ROBO1: variants seen among roughly 807,000 people sequenced by gnomAD.
ROBO1 encodes the protein roundabout homolog 1.
ROBO1 carries 149 observed loss-of-function variants against 195.9 expected under a neutral mutation model. The observed-to-expected ratio is 0.76, with a 90% CI of 0.67 to 0.87. ROBO1 has a LOEUF of 0.87. Among genes scored for constraint, ROBO1 ranks in the 40% least tolerant of loss-of-function variants. The probability of loss-of-function intolerance (pLI) is 0.00; values close to 1 mark genes in which losing one functional copy is unlikely to be tolerated. For synonymous variants in ROBO1, 816 were observed against 733.2 expected (o/e 1.11, Z -1.82); for missense variants, 1,933 against 2,068.3 (o/e 0.93, Z 1.27).
At chr3:78,703,403 G>A (rs1254418761) in intron 8 of ROBO1, among the ~76,000 whole-genome samples, 1 of 151,966 alleles carries the variant, frequency 6.6e-6, no homozygotes, top group Non-Finnish European at 1.5e-5. Flanking sequence ...AAATCTCTTG[G>A]GTGATGGCAT....
At chr3:79,345,785 T>C (rs1282684607) in intron 2 of ROBO1, among the ~76,000 whole-genome samples, 2 of 152,176 alleles carry the variant, frequency 1.3e-5, no homozygotes, top group South Asian at 4.1e-4. Context: ...ACAATTTTGC[T>C]GAAGCACACC....
chr3:79,501,121 A>C (rs1202236432), intron 2 of ROBO1, among the ~76,000 whole-genome samples: 6 of 152,070 alleles, frequency 3.9e-5, no homozygotes. Context: ...GTTTTTTATA[A>C]GTCATTTTTT....
intron 2 of ROBO1, among the ~76,000 whole-genome samples, chr3:79,423,035 A>G (rs1216115042): frequency 6.6e-6 from 1 of 152,126 alleles, no homozygotes; most frequent in East Asian, 1.9e-4. Context: ...TACTCTGCTC[A>G]AACGTCTGAT....
intron 1 of ROBO1, among the ~76,000 whole-genome samples, chr3:79,616,668 G>A (rs1944830668): frequency 6.6e-6 from 1 of 152,142 alleles, no homozygotes; most frequent in Non-Finnish European, 1.5e-5. Context: ...GGAGGCACGA[G>A]TGGCTAGAAA....
intron 3 of ROBO1, among the ~76,000 whole-genome samples, chr3:79,123,360 A>G (rs2080156067): frequency 1.3e-5 from 2 of 152,058 alleles, no homozygotes; most frequent in East Asian, 1.9e-4. Context: ...AAAGAAAACA[A>G]TATCTGTAGG....
At chr3:79,568,572 A>G (rs1304615739) in intron 2 of ROBO1, among the ~76,000 whole-genome samples, 3 of 149,610 alleles carry the variant, frequency 2.0e-5, no homozygotes, top group Admixed American at 1.3e-4. Context: ...ATATGGAGCT[A>G]GTGAATCTAC....
Position 79,578,017 on chromosome 3 carries a change from C to T in ROBO1, c.88+11807G>A, listed in dbSNP as rs909599537. On this transcript the variant is annotated intron_variant, in intron 2 of 30. Transcript: ENST00000464233. ...GCAAAAAGTCTGAACAAATAAATAC[C>T]TCACCAAAGAACAAATACAGATGAC... is the stretch of plus-strand genomic sequence containing the variant. Among the ~76,000 whole-genome samples, 6 of 151,786 alleles carry T rather than the reference C, an allele frequency of 4.0e-5. No homozygotes were observed. The East Asian group carries it at 1.2e-3, about 29-fold the overall frequency.
Position 78,614,727 on chromosome 3 carries a change from G to A in ROBO1, c.4356C>T (p.Ala1452=), listed in dbSNP as rs375515209. 16 of 1,613,158 alleles carry A rather than the reference G, an allele frequency of 9.9e-6. No individual in the cohort carries two copies. In the East Asian group the frequency reaches 1.8e-4, roughly 18 times the overall value. Residue 1452 remains alanine, a synonymous_variant, in exon 28 of 31, where the codon GCC becomes GCT. Transcript: ENST00000464233. ...CTGGTCTGGTTTTCTGCATTACGGCGGCACTCATGTTGCTGTCTGTAGACA... is the reference window on the plus strand; with the variant it reads ...CTGGTCTGGTTTTCTGCATTACGGCAGCACTCATGTTGCTGTCTGTAGACA... ...SPVSTDSNMS[A]AVMQKTRPAK...
rs1707261903 is a variant in ROBO1 at position 78,659,695 on chromosome 3, T to C, written c.2433A>G (p.Gln811=). The C allele has an allele frequency of 6.5e-7, 1 of 1,549,204 alleles. No individual in the cohort carries two copies. Reference sequence around the variant, plus strand: ...TATATTATACTCATACCTTATACTCTTGGACCATTCCATTTTGAGTGTCTT... The same window carrying C: ...TATATTATACTCATACCTTATACTCCTGGACCATTCCATTTTGAGTGTCTT... ...PPEDTQNGMV[Q]EYKVWCLGNE... The change falls in exon 17 of 31, where the codon CAA becomes CAG. Residue 811 remains glutamine, a synonymous_variant. Transcript: ENST00000464233.
intron 2 of ROBO1, among the ~76,000 whole-genome samples, chr3:79,275,751 A>G (rs957621208): frequency 6.6e-6 from 1 of 151,926 alleles, no homozygotes; most frequent in Non-Finnish European, 1.5e-5. Flanking sequence ...TCACCAAAAA[A>G]CTATTGGAAC....
rs548211873 is a variant in ROBO1 at position 78,912,148 on chromosome 3, T to TA, written c.499+26452dup. 1.5e-3 allele frequency among the ~76,000 whole-genome samples: 235 copies of TA among 152,156 alleles called. 2 individuals are homozygous for TA. Among genetic ancestry groups the TA allele is most frequent in the African/African-American group, 5.4e-3 (226 of 41,520 alleles). On this transcript the variant is annotated intron_variant, in intron 4 of 30. Coordinates refer to ENST00000464233, the MANE Select transcript of ROBO1 (RefSeq NM_002941.4). Reference sequence around the variant, plus strand: ...CTAAAGATAATATTGATTTTACAGTTAAAAAACAGTTAAATTAAGCAGAAT... The same window carrying TA: ...CTAAAGATAATATTGATTTTACAGTTAAAAAAACAGTTAAATTAAGCAGAAT...
At chr3:79,213,408 G>A (rs1576823608) in intron 2 of ROBO1, among the ~76,000 whole-genome samples, 1 of 152,122 alleles carries the variant, frequency 6.6e-6, no homozygotes, top group African/African-American at 2.4e-5. Flanking sequence ...GAAGTTTAGT[G>A]TCAAATTCAT....
chr3:78,655,705 A>C (rs2107639824), intron 18 of ROBO1, among the ~76,000 whole-genome samples: 1 of 152,294 alleles, frequency 6.6e-6, no homozygotes, highest in South Asian at 2.1e-4. Context: ...GGTGTTTCTT[A>C]ATTTTGTTTT....
chr3:79,522,333 T>C (rs899157466), intron 2 of ROBO1, among the ~76,000 whole-genome samples: 5 of 148,408 alleles, frequency 3.4e-5, no homozygotes, highest in African/African-American at 9.8e-5. Context: ...ACTGTTACTT[T>C]TTTTTTTTTT....
rs530340694 is a variant in ROBO1, at chr3:79,586,701, G to T, written c.88+3123C>A. On this transcript the variant is annotated intron_variant, in intron 2 of 30. Transcript: ENST00000464233. ...ATTTTTTAATTAAATTCCACTATATGTGAAATATATGCTTTAATAACAGAT... is the reference window on the plus strand; with the variant it reads ...ATTTTTTAATTAAATTCCACTATATTTGAAATATATGCTTTAATAACAGAT... Among the ~76,000 whole-genome samples the T allele has an allele frequency of 2.3e-3, 346 of 151,540 alleles. 2 individuals carry two copies. Among genetic ancestry groups the T allele is most frequent in the African/African-American group, 8.0e-3 (332 of 41,368 alleles).
chr3:79,265,307 T>G (rs566360396), intron 2 of ROBO1, among the ~76,000 whole-genome samples: 166 of 151,696 alleles, frequency 1.1e-3, no homozygotes, highest in Non-Finnish European at 2.0e-3. Context: ...TTTTTTTTTT[T>G]TGCTGAGGTT....
chr3:78,641,713 C>T (rs1410437365), intron 21 of ROBO1, among the ~76,000 whole-genome samples: 1 of 151,994 alleles, frequency 6.6e-6, no homozygotes, highest in Non-Finnish European at 1.5e-5. Context: ...AAATATGGGC[C>T]AAGAGGAGAT....
chr3:78,650,326 G>C (rs1041058562), intron 19 of ROBO1, among the ~76,000 whole-genome samples: 8 of 151,982 alleles, frequency 5.3e-5, no homozygotes, highest in African/African-American at 1.9e-4. Context: ...TTCATCCCTA[G>C]AGAGGACACA....
intron 2 of ROBO1, among the ~76,000 whole-genome samples, chr3:79,577,231 TA>T (rs1332677911): frequency 6.6e-6 from 1 of 152,164 alleles, no homozygotes; most frequent in Non-Finnish European, 1.5e-5. Context: ...ACATCAGGGC[TA>T]CAAAAGATAT....
Sources: allele counts gnomAD v4.1 joint callset (sites outside exome capture counted in the v4.1 genomes callset), GRCh38; gene constraint gnomAD v4.1.1; transcripts MANE v1.5; gene names NCBI Gene and HGNC (gene_info 2026-07-23, HGNC 2026-07-21).